GLRB: variants seen among roughly 807,000 people sequenced by gnomAD.
GLRB encodes the protein glycine receptor subunit beta.
A neutral mutation model predicts 54.2 loss-of-function variants in GLRB; 33 were observed. The observed-to-expected ratio is 0.61, with a 90% CI of 0.46 to 0.81. The LOEUF (loss-of-function observed/expected upper bound fraction) is 0.81, where lower values mean the gene tolerates loss of function less well. Among genes scored for constraint, GLRB ranks in the 40% least tolerant of loss-of-function variants. The pLI, the probability that GLRB is intolerant of heterozygous loss-of-function variation, is 0.00. For synonymous variants in GLRB, 209 were observed against 208.2 expected (o/e 1.00, Z -0.03); for missense variants, 572 against 584.6 (o/e 0.98, Z 0.22).
chr4:157,120,177 G>C lies in GLRB; in HGVS notation c.123-379G>C, dbSNP rs540282404. 3.0e-5 allele frequency among the ~76,000 whole-genome samples: 4 copies of C among 133,232 alleles called. No individual in the cohort carries two copies. The South Asian group carries it at 6.8e-4, about 23-fold the overall frequency. 87.4% of individuals were successfully genotyped at this position (133,232 alleles called of 152,430 possible). ...GTGTTCTCATTCATAGGTGGGAATTGAACAATGAGAACATATGGACACAGG... is the reference window on the plus strand; with the variant it reads ...GTGTTCTCATTCATAGGTGGGAATTCAACAATGAGAACATATGGACACAGG... On this transcript the variant is annotated intron_variant, in intron 2 of 9. Coordinates refer to ENST00000264428, the MANE Select transcript of GLRB (RefSeq NM_000824.5).
In GLRB at chr4:157,076,193, G is replaced by T. The variant is rs900123485; in HGVS notation, c.-134G>T. On this transcript the variant is annotated 5_prime_UTR_variant, in exon 1 of 10. Coordinates refer to ENST00000264428, the MANE Select transcript of GLRB (RefSeq NM_000824.5). ...CGGCGGTGGCGCGGGCGGCTGGGAC[G>T]CAGCTGCCCCCGCTCGGCGCCCGCT... 1.3e-4 allele frequency: 20 copies of T among 150,140 alleles called. No homozygotes were observed. Among genetic ancestry groups the T allele is most frequent in the Admixed American group, 1.1e-3 (17 of 15,074 alleles). 9.3% of individuals were successfully genotyped at this position (150,140 alleles called of 1,614,324 possible). A position where few individuals can be genotyped will look rare whatever the true frequency, so the allele number is the denominator to read the frequency against.
chr4:157,116,161 C>T (rs1031329270), intron 2 of GLRB, among the ~76,000 whole-genome samples: 33 of 151,070 alleles, frequency 2.2e-4, no homozygotes, highest in Non-Finnish European at 4.5e-4. Flanking sequence ...TACAGCTATA[C>T]AGTCTGACAC....
intron 2 of GLRB, among the ~76,000 whole-genome samples, chr4:157,088,129 T>C (rs1442104743): frequency 2.6e-5 from 4 of 152,158 alleles, no homozygotes; most frequent in Non-Finnish European, 5.9e-5. Context: ...CCTTGAAACA[T>C]CTGACATTTA....
intron 2 of GLRB, among the ~76,000 whole-genome samples, chr4:157,101,973 G>A (rs954340395): frequency 6.6e-6 from 1 of 152,066 alleles, no homozygotes; most frequent in African/African-American, 2.4e-5. Flanking sequence ...CTCCTTAGCA[G>A]AAAGCCAAGA....
chr4:157,101,837 G>A (rs1735041958), intron 2 of GLRB, among the ~76,000 whole-genome samples: 1 of 135,006 alleles, frequency 7.4e-6, no homozygotes, highest in Admixed American at 7.4e-5. Context: ...GTTTGGGGTT[G>A]GGTGGGGGCG....
chr4:157,144,966 T>C (rs1216872739), intron 8 of GLRB, among the ~76,000 whole-genome samples: 3 of 152,212 alleles, frequency 2.0e-5, no homozygotes, highest in Non-Finnish European at 4.4e-5. Flanking sequence ...AATTTCATCA[T>C]GGATAAAAAC....
At chr4:157,084,617 A>C (rs1250602413) in intron 2 of GLRB, 1 of 456,224 alleles carries the variant, frequency 2.2e-6, no homozygotes, top group Non-Finnish European at 4.4e-6. Flanking sequence ...TTGTGTGTGC[A>C]TATGTAAATG....
chr4:157,119,051 T>TA (rs1223324556), intron 2 of GLRB, among the ~76,000 whole-genome samples: 1 of 151,562 alleles, frequency 6.6e-6, no homozygotes, highest in African/African-American at 2.4e-5. Flanking sequence ...AGTGCCTTTC[T>TA]AAAAAAGGGC....
chr4:157,085,421 G>GT (rs1331264419), intron 2 of GLRB, among the ~76,000 whole-genome samples: 1 of 151,868 alleles, frequency 6.6e-6, no homozygotes, highest in Non-Finnish European at 1.5e-5. Flanking sequence ...TATTTTTAAC[G>GT]TATGTGTTAC....
chr4:157,168,103 C>G (rs907650507), intron 9 of GLRB, among the ~76,000 whole-genome samples: 11 of 143,058 alleles, frequency 7.7e-5, no homozygotes, highest in African/African-American at 3.1e-4. Flanking sequence ...CAAACCACAT[C>G]AACCAGTTCC....
chr4:157,162,400 G>A (rs1447520656), intron 9 of GLRB, among the ~76,000 whole-genome samples: 2 of 152,150 alleles, frequency 1.3e-5, no homozygotes, highest in African/African-American at 4.8e-5. Context: ...CATTTCTTTG[G>A]AGGAGAAGAG....
chr4:157,126,981 C>T (rs1736037491), intron 4 of GLRB, among the ~76,000 whole-genome samples: 1 of 151,640 alleles, frequency 6.6e-6, no homozygotes, highest in Admixed American at 6.6e-5. Flanking sequence ...CTTTCTATGC[C>T]TTTTTGTTCC....
chr4:157,110,474 G>A (rs2126505444), intron 2 of GLRB, among the ~76,000 whole-genome samples: 1 of 151,756 alleles, frequency 6.6e-6, no homozygotes, highest in East Asian at 2.0e-4. Context: ...TCAGCTTCAA[G>A]GTTTCTACCT....
At chr4:157,130,399 C>G (rs1409872895) in intron 4 of GLRB, among the ~76,000 whole-genome samples, 1 of 151,556 alleles carries the variant, frequency 6.6e-6, no homozygotes, top group African/African-American at 2.4e-5. Flanking sequence ...CTTTTTCAGT[C>G]TTCTAGCCAG....
At chr4:157,093,691 G>C (rs1219582121) in intron 2 of GLRB, among the ~76,000 whole-genome samples, 1 of 148,278 alleles carries the variant, frequency 6.7e-6, no homozygotes, top group Non-Finnish European at 1.5e-5. Flanking sequence ...GGAGGCGGAG[G>C]TTGCAGTGAG....
chr4:157,083,541 C>A (rs531971618), intron 2 of GLRB, among the ~76,000 whole-genome samples: 44 of 152,032 alleles, frequency 2.9e-4, no homozygotes, highest in Non-Finnish European at 5.9e-4. Flanking sequence ...GCGGTTAGAC[C>A]AGAGACTGAT....
chr4:157,082,991 C>T (rs868769625), intron 2 of GLRB, among the ~76,000 whole-genome samples: 24 of 134,950 alleles, frequency 1.8e-4, no homozygotes, highest in African/African-American at 4.5e-4. Flanking sequence ...TATATATATA[C>T]ACACATACTT....
chr4:157,150,166 A>T (rs1736965675), intron 8 of GLRB, among the ~76,000 whole-genome samples: 1 of 152,126 alleles, frequency 6.6e-6, no homozygotes, highest in African/African-American at 2.4e-5. Context: ...TATTTGATAT[A>T]TGCTATATAA....
intron 3 of GLRB, among the ~76,000 whole-genome samples, chr4:157,121,292 A>G (rs976410889): frequency 6.6e-6 from 1 of 151,710 alleles, no homozygotes; most frequent in East Asian, 1.9e-4. Context: ...TATGCTTACA[A>G]TAAAATAAGC....
Sources: allele counts gnomAD v4.1 joint callset (sites outside exome capture counted in the v4.1 genomes callset), GRCh38; gene constraint gnomAD v4.1.1; transcripts MANE v1.5; gene names NCBI Gene and HGNC (gene_info 2026-07-23, HGNC 2026-07-21).